The following CFHR2 variants were observed in gnomAD, a reference collection of about 807,000 sequenced individuals.
The protein encoded by CFHR2 is complement factor H related 2.
A neutral mutation model predicts 21.7 loss-of-function variants in CFHR2; 22 were observed. The observed-to-expected ratio is 1.01, with a 90% CI of 0.72 to 1.45. CFHR2 has a LOEUF of 1.45. Among genes scored for constraint, CFHR2 ranks in the 40% most tolerant of loss-of-function variants. The probability of loss-of-function intolerance (pLI) is 0.00; values close to 1 mark genes in which losing one functional copy is unlikely to be tolerated. For synonymous variants in CFHR2, 98 were observed against 97.4 expected (o/e 1.01, Z -0.04); for missense variants, 294 against 293.3 (o/e 1.00, Z -0.02).
intron 1 of CFHR2, 39 bp from the exon 2 acceptor site, chr1:196,949,416 C>T (rs1441786201): frequency 6.4e-7 from 1 of 1,552,374 alleles, no homozygotes; most frequent in African/African-American, 1.4e-5. Context: ...ATTTATGTAG[C>T]TTATTATGTA....
At chr1:196,956,791 T>A (rs1273424571) in intron 3 of CFHR2, among the ~76,000 whole-genome samples, 1 of 152,220 alleles carries the variant, frequency 6.6e-6, no homozygotes, top group Non-Finnish European at 1.5e-5. Context: ...GAGAGTTTCC[T>A]GGTCCTTAAT....
rs1300353596 is a variant in CFHR2, at chr1:196,957,971, G to C, written c.511G>C (p.Gly171Arg). 2 of 1,613,666 alleles carry C rather than the reference G, an allele frequency of 1.2e-6. No homozygotes were observed. Among genetic ancestry groups the C allele is most frequent in the Non-Finnish European group, 1.7e-6 (2 of 1,179,722 alleles). Residue 171 changes from glycine (G) to arginine (R), a missense_variant, in exon 4 of 5, where the codon GGT (glycine) becomes CGT (arginine). Coordinates refer to ENST00000367415, the MANE Select transcript of CFHR2 (RefSeq NM_005666.4). Reference protein sequence around the residue: ...TSFLLSVYAPGSSVEYQCQNL... With the variant: ...TSFLLSVYAPRSSVEYQCQNL... ...ATTCCTGTTGTCAGTATATGCTCCAGGTTCATCAGTTGAGTACCAGTGCCA... is the reference window on the plus strand; with the variant it reads ...ATTCCTGTTGTCAGTATATGCTCCACGTTCATCAGTTGAGTACCAGTGCCA...
At chr1:196,946,785 T>C (rs1659510581) in intron 1 of CFHR2, among the ~76,000 whole-genome samples, 2 of 152,210 alleles carry the variant, frequency 1.3e-5, no homozygotes, top group South Asian at 4.1e-4. Context: ...TTACAGTTAA[T>C]TTTTTTAACC....
chr1:196,949,007 G>C (rs1659623859), intron 1 of CFHR2, among the ~76,000 whole-genome samples: 1 of 151,496 alleles, frequency 6.6e-6, no homozygotes, highest in Admixed American at 6.6e-5. Context: ...TTCTGCACCA[G>C]AAAAAAAATA....
intron 3 of CFHR2, among the ~76,000 whole-genome samples, chr1:196,953,243 A>ATTAT (rs138646935): frequency 0.25 from 37,554 of 150,112 alleles, 5,347 homozygotes; most frequent in East Asian, 0.65. Flanking sequence ...ATCAGCCAAG[A>ATTAT]TTATTTATTT....
chr1:196,948,660 T>G (rs1659610534), intron 1 of CFHR2, among the ~76,000 whole-genome samples: 2 of 152,214 alleles, frequency 1.3e-5, no homozygotes, highest in Admixed American at 6.5e-5. Context: ...TATATTGTAT[T>G]TTTAATTGCA....
intron 1 of CFHR2, 120 bp from the exon 2 acceptor site, chr1:196,949,335 A>T: frequency 3.1e-6 from 3 of 954,486 alleles, no homozygotes; most frequent in Non-Finnish European, 4.6e-6. Flanking sequence ...GAGAGCATTT[A>T]AGCTAAAGGC....
intron 2 of CFHR2, among the ~76,000 whole-genome samples, chr1:196,950,578 A>T (rs1470977382): frequency 1.3e-5 from 2 of 151,992 alleles, no homozygotes; most frequent in Non-Finnish European, 2.9e-5. Flanking sequence ...GGTTCAAGTG[A>T]TTCTCCTGTC....
intron 1 of CFHR2, 117 bp from the exon 2 acceptor site, chr1:196,949,338 C>A: frequency 1.0e-6 from 1 of 1,002,568 alleles, no homozygotes. Context: ...AGCATTTAAG[C>A]TAAAGGCATT....
chr1:196,955,774 G>A (rs1045274330), intron 3 of CFHR2, among the ~76,000 whole-genome samples: 2 of 152,114 alleles, frequency 1.3e-5, no homozygotes, highest in African/African-American at 4.8e-5. Context: ...TTGAGCTGGG[G>A]AAGCAGAGGC....
intron 1 of CFHR2, among the ~76,000 whole-genome samples, chr1:196,948,994 C>A (rs1336675185): frequency 6.6e-6 from 1 of 152,090 alleles, no homozygotes; most frequent in Non-Finnish European, 1.5e-5. Flanking sequence ...TACCCAACAT[C>A]TTTTCTGCAC....
At chr1:196,958,479 A>C (rs1004172911) in intron 4 of CFHR2, among the ~76,000 whole-genome samples, 4 of 151,778 alleles carry the variant, frequency 2.6e-5, no homozygotes, top group African/African-American at 9.7e-5. Context: ...ATTTCAAGTA[A>C]ATAATACCAT....
chr1:196,945,953 C>T (rs1158942773), intron 1 of CFHR2, among the ~76,000 whole-genome samples: 1 of 151,736 alleles, frequency 6.6e-6, no homozygotes, highest in African/African-American at 2.4e-5. Context: ...ATGGTATAGC[C>T]TGTCGCTCCT....
At chr1:196,946,403 T>C (rs1260533579) in intron 1 of CFHR2, among the ~76,000 whole-genome samples, 1 of 152,184 alleles carries the variant, frequency 6.6e-6, no homozygotes, top group Non-Finnish European at 1.5e-5. Flanking sequence ...TTAACCTTAG[T>C]TTATGTTGAC....
intron 1 of CFHR2, among the ~76,000 whole-genome samples, chr1:196,946,784 A>T (rs942636968): frequency 2.8e-4 from 42 of 152,164 alleles, no homozygotes; most frequent in Non-Finnish European, 5.9e-5. Flanking sequence ...TTTACAGTTA[A>T]TTTTTTTAAC....
chr1:196,949,868 A>G (rs1659660577), intron 2 of CFHR2, among the ~76,000 whole-genome samples: 1 of 152,222 alleles, frequency 6.6e-6, no homozygotes, highest in Non-Finnish European at 1.5e-5. Context: ...CTACATGTTG[A>G]AATATATCAA....
chr1:196,944,591 T>G (rs1659406142), intron 1 of CFHR2, among the ~76,000 whole-genome samples: 1 of 151,954 alleles, frequency 6.6e-6, no homozygotes, highest in African/African-American at 2.4e-5. Flanking sequence ...CATGTTGAAA[T>G]TAAGGCCACC....
intron 3 of CFHR2, among the ~76,000 whole-genome samples, 156 bp from the exon 4 acceptor site, chr1:196,957,735 C>A (rs1175680183): frequency 6.6e-6 from 1 of 152,118 alleles, no homozygotes; most frequent in African/African-American, 2.4e-5. Context: ...GAAAATTTAA[C>A]TTTCAGTTTG....
rs1267644589 is a variant in CFHR2, at chr1:196,950,943, C to T, written c.345C>T (p.Asn115=). 6.2e-7 allele frequency: 1 copy of T among 1,614,068 alleles called. No homozygotes were observed. The highest frequency in any genetic ancestry group is 8.5e-7 in the Non-Finnish European group (1 of 1,179,992). ...GTGATACTGTACAAATTATTTGCAA[C>T]ACAGGATACAGACTTCAAAACAATG... is the stretch of plus-strand genomic sequence containing the variant. ...LEGDTVQIIC[N]TGYRLQNNEN... The change falls in exon 3 of 5, where the codon AAC becomes AAT. Residue 115 remains asparagine (N), a synonymous_variant. Coordinates refer to ENST00000367415, the MANE Select transcript of CFHR2 (RefSeq NM_005666.4).
Sources: allele counts gnomAD v4.1 joint callset (sites outside exome capture counted in the v4.1 genomes callset), GRCh38; gene constraint gnomAD v4.1.1; transcripts MANE v1.5; gene names NCBI Gene and HGNC (gene_info 2026-07-23, HGNC 2026-07-21).